TRPC5: variants seen among roughly 807,000 people sequenced by gnomAD.
TRPC5 encodes the protein transient receptor potential cation channel subfamily C member 5.
In TRPC5, 9 loss-of-function variants were observed where a neutral mutation model predicts 56.5. The observed-to-expected ratio is 0.16, with a 90% CI of 0.10 to 0.28. TRPC5 has a LOEUF of 0.28. Ranked by LOEUF, TRPC5 falls within the 10% of genes least tolerant of loss-of-function variation. The pLI, the probability that TRPC5 is intolerant of heterozygous loss-of-function variation, is 1.00. For synonymous variants in TRPC5, 282 were observed against 278.5 expected (o/e 1.01, Z -0.13); for missense variants, 469 against 748.9 (o/e 0.63, Z 4.36).
At chrX:112,042,022 C>G (rs1358064444) in intron 1 of TRPC5, among the ~76,000 whole-genome samples, 1 of 111,687 alleles carries the variant, frequency 9.0e-6, no homozygotes, top group Non-Finnish European at 1.9e-5. Context: ...AAATGCAAAT[C>G]AAATAAAACA....
At chrX:112,062,922 A>G (rs1458085757) in intron 1 of TRPC5, among the ~76,000 whole-genome samples, 2 of 111,433 alleles carry the variant, frequency 1.8e-5, no homozygotes, top group Middle Eastern at 9.3e-3. Context: ...GGCAGTAAGT[A>G]GGGTAATAGC....
intron 3 of TRPC5, among the ~76,000 whole-genome samples, chrX:111,860,997 GTTTGT>G (rs1491223122): frequency 1.1e-5 from 1 of 94,894 alleles, no homozygotes. Context: ...TTTTCTGTTT[GTTTGT>G]TTTGTTTTGT....
In TRPC5 at chrX:111,769,519, T is replaced by C. The variant is rs777284463; in HGVS notation, c.*6794A>G. 9.0e-6 allele frequency among the ~76,000 whole-genome samples: 1 copy of C among 111,715 alleles called. No individual in the cohort carries two copies. The highest frequency in any genetic ancestry group is 3.2e-5 in the African/African-American group (1 of 30,798). On this transcript the variant is annotated 3_prime_UTR_variant, in exon 11 of 11. Coordinates refer to ENST00000262839, the MANE Select transcript of TRPC5 (RefSeq NM_012471.3). The stretch of plus-strand genomic sequence containing the variant: ...CATTCTTGAGGGGGTGATGGAGATA[T>C]TCTATAACTTGATTTTGGCTGGTGC...
At chrX:112,077,173 G>A (rs755556553) in intron 1 of TRPC5, among the ~76,000 whole-genome samples, 4 of 111,266 alleles carry the variant, frequency 3.6e-5, no homozygotes, top group South Asian at 3.8e-4. Context: ...CTAGTAATTC[G>A]TGAGCAGGGC....
intron 3 of TRPC5, among the ~76,000 whole-genome samples, chrX:111,866,955 G>A (rs1923566915): frequency 8.9e-6 from 1 of 112,245 alleles, no homozygotes. Context: ...TGGAGTACCT[G>A]CTCTGTGCCC....
intron 1 of TRPC5, among the ~76,000 whole-genome samples, chrX:111,982,820 TA>T (rs1190527463): frequency 9.0e-6 from 1 of 111,486 alleles, no homozygotes; most frequent in East Asian, 2.8e-4. Context: ...AGTGGGTTAC[TA>T]GGGGTAATAA....
intron 7 of TRPC5, among the ~76,000 whole-genome samples, chrX:111,829,825 T>A (rs1298195378): frequency 1.8e-5 from 2 of 113,185 alleles, no homozygotes; most frequent in Non-Finnish European, 3.8e-5. Context: ...CTCATGGAGA[T>A]CCTCTGCTAG....
chrX:111,856,568 T>C (rs1055594550), intron 3 of TRPC5, among the ~76,000 whole-genome samples: 3 of 104,001 alleles, frequency 2.9e-5, no homozygotes, highest in Non-Finnish European at 5.9e-5. Flanking sequence ...ATAATAATAA[T>C]AATAATAGAG....
intron 1 of TRPC5, among the ~76,000 whole-genome samples, chrX:111,964,956 C>T (rs947438449): frequency 3.1e-4 from 35 of 111,720 alleles, no homozygotes; most frequent in Non-Finnish European, 6.0e-4. Flanking sequence ...AATGACAGGA[C>T]CAAATTCACA....
chrX:112,063,576 A>C (rs1210011974), intron 1 of TRPC5, among the ~76,000 whole-genome samples: 1 of 111,857 alleles, frequency 8.9e-6, no homozygotes, highest in East Asian at 2.8e-4. Context: ...ATTTAAATAA[A>C]GGAGCACTTT....
chrX:111,961,228 C>T (rs1365769949), intron 1 of TRPC5, among the ~76,000 whole-genome samples: 1 of 112,080 alleles, frequency 8.9e-6, no homozygotes, highest in Non-Finnish European at 1.9e-5. Context: ...ACAAAAATTG[C>T]AAAAAATTAC....
intron 1 of TRPC5, among the ~76,000 whole-genome samples, chrX:111,968,819 CTG>C (rs1379836317): frequency 1.2e-4 from 8 of 65,978 alleles, no homozygotes; most frequent in Admixed American, 2.7e-4. Flanking sequence ...ACTCTGGGGA[CTG>C]TTGTGGGGTG....
rs1928298880 is a variant in TRPC5 at position 111,989,563 on chromosome X, C to G, written c.-21-37122G>C. Among the ~76,000 whole-genome samples the G allele has an allele frequency of 1.2e-4, 13 of 112,054 alleles. No homozygotes were observed. The Admixed American group carries it at 1.2e-3, about 11-fold the overall frequency. On this transcript the variant is annotated intron_variant, in intron 1 of 10. Transcript: ENST00000262839. ...AATGAGCCTAACTCATTCAAGATAACTTTTGAGAAATTCATCTATTCATCT... is the reference window on the plus strand; with the variant it reads ...AATGAGCCTAACTCATTCAAGATAAGTTTTGAGAAATTCATCTATTCATCT...
chrX:112,012,104 C>T (rs1291588052), intron 1 of TRPC5, among the ~76,000 whole-genome samples: 1 of 112,056 alleles, frequency 8.9e-6, no homozygotes. Context: ...CCATGGATAA[C>T]GGGGTCTACT....
intron 3 of TRPC5, among the ~76,000 whole-genome samples, chrX:111,910,583 G>A (rs142820480): frequency 0.028 from 3,132 of 112,526 alleles, 113 homozygotes; most frequent in African/African-American, 0.096. Flanking sequence ...CCAGGCTGGA[G>A]TGCCATGGCA....
At chrX:111,832,823 G>A (rs1158355501) in intron 7 of TRPC5, among the ~76,000 whole-genome samples, 1 of 111,082 alleles carries the variant, frequency 9.0e-6, no homozygotes, top group African/African-American at 3.3e-5. Context: ...AGGTGGTGAT[G>A]GGAGCTGGAG....
chrX:112,016,027 C>G (rs750111599), intron 1 of TRPC5, among the ~76,000 whole-genome samples: 16 of 111,446 alleles, frequency 1.4e-4, no homozygotes, highest in South Asian at 3.8e-4. Context: ...CAAAGCCACC[C>G]TTAATCCAGG....
chrX:111,804,160 T>C (rs1457107441), intron 7 of TRPC5, among the ~76,000 whole-genome samples: 1 of 112,033 alleles, frequency 8.9e-6, no homozygotes, highest in Non-Finnish European at 1.9e-5. Context: ...CAGATGGTTG[T>C]AGATGTGTGG....
At chrX:111,804,298 T>A (rs1056556870) in intron 7 of TRPC5, among the ~76,000 whole-genome samples, 11 of 112,051 alleles carry the variant, frequency 9.8e-5, no homozygotes, top group African/African-American at 3.6e-4. Flanking sequence ...GCCTCCAGCT[T>A]TGTTCTTTTG....
Sources: allele counts gnomAD v4.1 joint callset (sites outside exome capture counted in the v4.1 genomes callset), GRCh38; gene constraint gnomAD v4.1.1; transcripts MANE v1.5; gene names NCBI Gene and HGNC (gene_info 2026-07-23, HGNC 2026-07-21).